The following SLC18B1 variants were observed in gnomAD, a reference collection of about 807,000 sequenced individuals.
SLC18B1 encodes the protein MFS-type transporter SLC18B1.
Under a neutral mutation model 53.9 loss-of-function variants are expected in SLC18B1, and 62 were observed. The ratio of observed to expected loss-of-function variants is 1.15; its 90% CI spans 0.94 to 1.42. The LOEUF is 1.42. Among genes scored for constraint, SLC18B1 ranks in the 40% most tolerant of loss-of-function variants. SLC18B1 has a pLI of 0.00. For synonymous variants in SLC18B1, 217 were observed against 200.9 expected (o/e 1.08, Z -0.68); for missense variants, 598 against 547.3 (o/e 1.09, Z -0.93).
intron 2 of SLC18B1, among the ~76,000 whole-genome samples, chr6:132,796,231 T>G (rs931027396): frequency 6.7e-6 from 1 of 148,826 alleles, no homozygotes; most frequent in African/African-American, 2.5e-5. Flanking sequence ...GGCGGGTACC[T>G]GTAGTCCCAG....
At chr6:132,792,250 A>AGAAAGAAG in intron 2 of SLC18B1, among the ~76,000 whole-genome samples, 1 of 21,712 alleles carries the variant, frequency 4.6e-5, no homozygotes, top group Non-Finnish European at 9.0e-5. Context: ...AAAGAAAGAA[A>AGAAAGAAG]GAAAGAAAGA....
At chr6:132,779,126 G>A in intron 7 of SLC18B1, 142 bp downstream of exon 7, 1 of 828,968 alleles carries the variant, frequency 1.2e-6, no homozygotes, top group Non-Finnish European at 1.8e-6. Flanking sequence ...CGGTAGAGAG[G>A]GACACGCTAC....
At chr6:132,792,442 G>A (rs1781575856) in intron 2 of SLC18B1, among the ~76,000 whole-genome samples, 1 of 151,874 alleles carries the variant, frequency 6.6e-6, no homozygotes, top group African/African-American at 2.4e-5. Flanking sequence ...CATTATCAAT[G>A]TTCTTTGCTT....
At chr6:132,782,528 A>T (rs1781264099) in intron 6 of SLC18B1, among the ~76,000 whole-genome samples, 1 of 152,074 alleles carries the variant, frequency 6.6e-6, no homozygotes, top group Non-Finnish European at 1.5e-5. Context: ...TTAATAAGAT[A>T]ATTGACATGT....
intron 2 of SLC18B1, among the ~76,000 whole-genome samples, chr6:132,790,625 T>C (rs1395575481): frequency 6.6e-6 from 1 of 152,158 alleles, no homozygotes; most frequent in Non-Finnish European, 1.5e-5. Context: ...AAACAGCTGA[T>C]TCAGACACAC....
chr6:132,770,996 C>T, intron 12 of SLC18B1, 40 bp downstream of exon 12: 1 of 1,609,836 alleles, frequency 6.2e-7, no homozygotes, highest in Non-Finnish European at 8.5e-7. Flanking sequence ...AGTTTTTCCA[C>T]AAATATAAGG....
rs186740383 is a variant in SLC18B1, at chr6:132,775,476, T to A, written c.897+852A>T. On this transcript the variant is annotated intron_variant, in intron 8 of 13. Coordinates refer to ENST00000275227, the MANE Select transcript of SLC18B1 (RefSeq NM_052831.3). ...TGAAAACCAAGCTCCAAACACTGTT[T>A]AAGATACTTGCTTTTTGACATCTGG... 2.6e-5 allele frequency among the ~76,000 whole-genome samples: 4 copies of A among 152,332 alleles called. No homozygotes were observed. In the East Asian group the frequency reaches 7.7e-4, roughly 29 times the overall value.
chr6:132,784,106 G>T lies in SLC18B1; in HGVS notation c.502-17C>A. 1 of 1,528,674 alleles carries T rather than the reference G, an allele frequency of 6.5e-7. No homozygotes were observed. Among genetic ancestry groups the T allele is most frequent in the Non-Finnish European group, 8.7e-7 (1 of 1,144,518 alleles). 94.7% of individuals were successfully genotyped at this position (1,528,674 alleles called of 1,614,324 possible). A position where few individuals can be genotyped will look rare whatever the true frequency, so the allele number is the denominator to read the frequency against. ...AAGACTTCCCTTAAAATGAGAAAAAGAAAAAATCAGTTTAAATATTTCATT... is the reference window on the plus strand; with the variant it reads ...AAGACTTCCCTTAAAATGAGAAAAATAAAAAATCAGTTTAAATATTTCATT... On this transcript the variant is annotated splice_polypyrimidine_tract_variant and intron_variant, in intron 5 of 13. Coordinates refer to ENST00000275227, the MANE Select transcript of SLC18B1 (RefSeq NM_052831.3).
chr6:132,785,771 T>C (rs1334223395), intron 5 of SLC18B1, among the ~76,000 whole-genome samples: 1 of 150,896 alleles, frequency 6.6e-6, no homozygotes, highest in Non-Finnish European at 1.5e-5. Context: ...TTTGAAAAAA[T>C]AGTTACAGCC....
intron 2 of SLC18B1, 130 bp downstream of exon 2, chr6:132,796,852 G>A: frequency 1.0e-6 from 1 of 954,066 alleles, no homozygotes; most frequent in Non-Finnish European, 1.4e-6. Flanking sequence ...ATTGGCTGGA[G>A]TTCTATACAC....
rs1262921996 is a variant in SLC18B1 at position 132,779,296 on chromosome 6, G to T, written c.767C>A (p.Pro256His). ...CTCCAAAACAAAGAGAGACAGAGTAGGATCGAGGAAGCCAAAACACGAGCT... is the reference window on the plus strand; with the variant it reads ...CTCCAAAACAAAGAGAGACAGAGTATGATCGAGGAAGCCAAAACACGAGCT... Reference protein sequence around the residue: ...SLSSCFGFLDPTLSLFVLEKF... With the variant: ...SLSSCFGFLDHTLSLFVLEKF... The change falls in exon 7 of 14, where the codon CCT (proline) becomes CAT (histidine). Residue 256 changes from proline to histidine, a missense_variant. By Grantham distance (77) the Pro-to-His change is moderately conservative (BLOSUM62 -2). Coordinates refer to ENST00000275227, the MANE Select transcript of SLC18B1 (RefSeq NM_052831.3). 1 of 1,613,966 alleles carries T rather than the reference G, an allele frequency of 6.2e-7. No individual in the cohort carries two copies. Among genetic ancestry groups the T allele is most frequent in the South Asian group, 1.1e-5 (1 of 91,066 alleles).
intron 2 of SLC18B1, among the ~76,000 whole-genome samples, chr6:132,795,673 C>T (rs1283423736): frequency 1.3e-5 from 2 of 152,188 alleles, no homozygotes; most frequent in African/African-American, 4.8e-5. Context: ...CAAAATAAAA[C>T]ACATGGATAT....
At chr6:132,793,694 A>G (rs1001495648) in intron 2 of SLC18B1, among the ~76,000 whole-genome samples, 1 of 152,202 alleles carries the variant, frequency 6.6e-6, no homozygotes, top group Non-Finnish European at 1.5e-5. Flanking sequence ...TTATGCGTTT[A>G]TAAACTATTA....
At position 132,776,384 on chromosome 6, in the gene SLC18B1, C is replaced by T. The variant is rs1216930076; in HGVS notation, c.841G>A (p.Ala281Thr). ...GGTGAAGAGATGGCATAGGACAGTG[C>T]CATACCCAGGAATACTAGTCCCACA... Reference protein sequence around the residue: ...GYVGLVFLGMALSYAISSPLF... With the variant: ...GYVGLVFLGMTLSYAISSPLF... The change falls in exon 8 of 14, where the codon GCA becomes ACA. Residue 281 changes from alanine to threonine, a missense_variant. Ala to Thr is a moderately conservative substitution (Grantham distance 58). Coordinates refer to ENST00000275227, the MANE Select transcript of SLC18B1 (RefSeq NM_052831.3). 9.3e-6 allele frequency: 15 copies of T among 1,613,402 alleles called. No individual in the cohort carries two copies. The highest frequency in any genetic ancestry group is 1.3e-5 in the Non-Finnish European group (15 of 1,179,660).
chr6:132,792,357 G>A (rs28568404), intron 2 of SLC18B1, among the ~76,000 whole-genome samples: 17,315 of 97,516 alleles, frequency 0.18, 2,383 homozygotes, highest in Admixed American at 0.31. Flanking sequence ...GGAAGGAAGG[G>A]AAAGAAAGAA....
rs1781015431 is a variant in SLC18B1, at chr6:132,773,084, G to A, written c.994C>T (p.Leu332Phe). 1.2e-6 allele frequency: 2 copies of A among 1,612,288 alleles called. No individual in the cohort carries two copies. Among genetic ancestry groups the A allele is most frequent in the African/African-American group, 2.7e-5 (2 of 74,994 alleles). ...PVPILHIKSQ[L>F]WLLVLILVVS... ...ACTAATATCAGCACCAGCAGCCAGA[G>A]CTGACTGCAAAAGGGTTTTGGAGAA... The change falls in exon 10 of 14, where the codon CTC becomes TTC. Residue 332 changes from leucine (L) to phenylalanine (F), a missense_variant. Coordinates refer to ENST00000275227, the MANE Select transcript of SLC18B1 (RefSeq NM_052831.3).
chr6:132,772,418 C>T (rs1562261646), intron 10 of SLC18B1, among the ~76,000 whole-genome samples: 1 of 151,914 alleles, frequency 6.6e-6, no homozygotes, highest in Admixed American at 6.6e-5. Context: ...AATTTTTCTG[C>T]ATATATATAT....
intron 6 of SLC18B1, among the ~76,000 whole-genome samples, 171 bp downstream of exon 6, chr6:132,783,762 G>A (rs1290771197): frequency 6.6e-6 from 1 of 152,170 alleles, no homozygotes; most frequent in African/African-American, 2.4e-5. Flanking sequence ...GAAAGAATTT[G>A]TAATTTACAG....
At chr6:132,788,192 A>T (rs1781433557) in intron 4 of SLC18B1, among the ~76,000 whole-genome samples, 2 of 151,734 alleles carry the variant, frequency 1.3e-5, no homozygotes, top group Admixed American at 6.6e-5. Flanking sequence ...AAAAAAAGAA[A>T]AAGAAAACAC....
Sources: gnomAD v4.1 joint callset for allele counts (sites outside exome capture counted in the v4.1 genomes callset) on GRCh38, gnomAD v4.1.1 for gene constraint, MANE v1.5 for transcripts, NCBI Gene and HGNC (gene_info 2026-07-23, HGNC 2026-07-21) for gene names.